ACOT11: variants seen among roughly 807,000 people sequenced by gnomAD.
The protein encoded by ACOT11 is acyl-coenzyme A thioesterase 11.
A neutral mutation model predicts 77.5 loss-of-function variants in ACOT11; 69 were observed. That is an observed-to-expected ratio of 0.89 (90% confidence interval 0.73 to 1.09). The LOEUF is 1.09. Among genes scored for constraint, ACOT11 ranks in the 50% least tolerant of loss-of-function variants. The pLI, the probability that ACOT11 is intolerant of heterozygous loss-of-function variation, is 0.00. For missense variants in ACOT11, 766 were observed against 813.7 expected, an observed-to-expected ratio of 0.94 and a Z score of 0.71; for synonymous variants, 279 against 313.0, an observed-to-expected ratio of 0.89 and a Z score of 1.15.
intron 15 of ACOT11, among the ~76,000 whole-genome samples, chr1:54,625,500 G>A (rs980188492): frequency 1.4e-4 from 21 of 152,190 alleles, no homozygotes; most frequent in Non-Finnish European, 2.9e-4. Flanking sequence ...AGGCATGGAA[G>A]GGTGTGTTAA....
In ACOT11 at chr1:54,551,398, C is replaced by T. The variant is rs299867; in HGVS notation, c.33+3056C>T. Among the ~76,000 whole-genome samples the T allele has an allele frequency of 2.4e-3, 369 of 152,306 alleles. 1 individual carries two copies. Among genetic ancestry groups the T allele is most frequent in the East Asian group, 0.019 (96 of 5,168 alleles). On this transcript the variant is annotated intron_variant, in intron 1 of 15. Coordinates refer to ENST00000343744, the MANE Select transcript of ACOT11 (RefSeq NM_147161.4). Reference sequence around the variant, plus strand: ...GAATGAAGTGGTCAGCCTGCTGCCACGCTCGGGGCTGGGAGAACTGCTGAG... The same window carrying T: ...GAATGAAGTGGTCAGCCTGCTGCCATGCTCGGGGCTGGGAGAACTGCTGAG...
chr1:54,623,950 A>G (rs1419947015), intron 15 of ACOT11, among the ~76,000 whole-genome samples: 1 of 152,238 alleles, frequency 6.6e-6, no homozygotes, highest in Non-Finnish European at 1.5e-5. Flanking sequence ...GATCTGCGTA[A>G]GGGGCAATAA....
At chr1:54,604,771 C>T (rs1265844886) in intron 12 of ACOT11, among the ~76,000 whole-genome samples, 5 of 152,194 alleles carry the variant, frequency 3.3e-5, no homozygotes, top group Non-Finnish European at 4.4e-5. Flanking sequence ...GACCTAAGCT[C>T]TGCCAGCTGC....
At chr1:54,610,886 C>T (rs1247027685), downstream of ACOT11, 5 of 985,356 alleles carry the variant, frequency 5.1e-6, no homozygotes, top group Middle Eastern at 5.2e-4. Flanking sequence ...AACTGCGGCT[C>T]TTCTGGGTTC....
intron 1 of ACOT11, among the ~76,000 whole-genome samples, chr1:54,575,110 A>AGG (rs1654062092): frequency 6.8e-6 from 1 of 147,246 alleles, no homozygotes; most frequent in African/African-American, 2.7e-5. Context: ...ACAAGCAAGC[A>AGG]GGTGTCTTCA....
At chr1:54,550,972 T>A (rs932664916) in intron 1 of ACOT11, among the ~76,000 whole-genome samples, 1 of 151,392 alleles carries the variant, frequency 6.6e-6, no homozygotes, top group Non-Finnish European at 1.5e-5. Flanking sequence ...AAACCCCATC[T>A]CTACCAAAAA....
chr1:54,584,688 C>T lies in ACOT11; in HGVS notation c.67C>T (p.Arg23Trp), dbSNP rs201305708. 79 of 1,614,172 alleles carry T rather than the reference C, an allele frequency of 4.9e-5. No homozygotes were observed. The East Asian group carries it at 1.4e-3, about 29-fold the overall frequency. ...CTCTGTGTTCTCCAACCGCACATCC[C>T]GGAAGTCAGCCTTACGTGCGGGGAA... ...LASVFSNRTS[R>W]KSALRAGNDS... The change falls in exon 2 of 16, where the codon CGG becomes TGG. Residue 23 changes from arginine (R) to tryptophan (W), a missense_variant. Arg to Trp is a moderately radical substitution (Grantham distance 101). Coordinates refer to ENST00000343744, the MANE Select transcript of ACOT11 (RefSeq NM_147161.4). This position sits in a 1 kb window ranked among gnomAD's most constrained non-coding sequence, Gnocchi z 6.3.
intron 1 of ACOT11, among the ~76,000 whole-genome samples, chr1:54,577,211 C>T (rs1216792426): frequency 2.6e-5 from 4 of 152,170 alleles, no homozygotes; most frequent in Admixed American, 1.3e-4. Flanking sequence ...GGCACATTCA[C>T]GGTGTTGTAC....
chr1:54,634,064 A>G (rs925435500), intron 16 of ACOT11, among the ~76,000 whole-genome samples: 1 of 152,174 alleles, frequency 6.6e-6, no homozygotes, highest in East Asian at 1.9e-4. Flanking sequence ...TATGATAGGG[A>G]TTGGGAGAAC....
downstream of ACOT11, chr1:54,610,996 A>G (rs142723642): frequency 5.8e-3 from 5,707 of 985,438 alleles, 26 homozygotes; most frequent in South Asian, 9.6e-3. Context: ...CAGTGGAGCT[A>G]TGCACCAAGG....
intron 15 of ACOT11, among the ~76,000 whole-genome samples, chr1:54,618,301 C>G (rs1191687550): frequency 6.6e-6 from 1 of 152,036 alleles, no homozygotes; most frequent in Admixed American, 6.6e-5. Context: ...TTTAGGAGTT[C>G]GAGACTAGCC....
chr1:54,586,069 A>T (rs1222602084), intron 3 of ACOT11, among the ~76,000 whole-genome samples, 165 bp downstream of exon 3: 1 of 116,612 alleles, frequency 8.6e-6, no homozygotes, highest in Non-Finnish European at 1.6e-5. Context: ...ACCCCTCTGC[A>T]GTGTTTCTGG....
intron 15 of ACOT11, among the ~76,000 whole-genome samples, chr1:54,629,742 G>A (rs1405105314): frequency 1.5e-5 from 2 of 132,672 alleles, no homozygotes; most frequent in African/African-American, 5.1e-5. Context: ...GCACCACCAT[G>A]CCTAGCTAAT....
chr1:54,611,040 C>G (rs1230133902), downstream of ACOT11: 28 of 981,360 alleles, frequency 2.9e-5, no homozygotes, highest in Non-Finnish European at 3.1e-5. Context: ...TGCTGGTTTC[C>G]TACCTGCTGG....
intron 3 of ACOT11, among the ~76,000 whole-genome samples, chr1:54,587,439 G>A (rs565326565): frequency 6.6e-6 from 1 of 151,782 alleles, no homozygotes; most frequent in South Asian, 2.1e-4. Flanking sequence ...CTTGAACCCA[G>A]GAGGCAGAGG....
At chr1:54,560,362 G>A (rs1653424837) in intron 1 of ACOT11, among the ~76,000 whole-genome samples, 1 of 152,152 alleles carries the variant, frequency 6.6e-6, no homozygotes, top group Non-Finnish European at 1.5e-5. Context: ...TGTAAGAGAT[G>A]TGAAGGAGCC....
At chr1:54,570,490 G>T (rs1004706925) in intron 1 of ACOT11, among the ~76,000 whole-genome samples, 1 of 152,206 alleles carries the variant, frequency 6.6e-6, no homozygotes. Flanking sequence ...CACTAGAATG[G>T]TTTTCTGGGT....
chr1:54,622,203 G>A (rs1009238643), intron 15 of ACOT11, among the ~76,000 whole-genome samples: 1 of 151,380 alleles, frequency 6.6e-6, no homozygotes, highest in Non-Finnish European at 1.5e-5. Flanking sequence ...TTGAGCCCAG[G>A]GGGTGGAGGT....
rs183408110 is a variant in ACOT11, at chr1:54,550,741, C to T, written c.33+2399C>T. On this transcript the variant is annotated intron_variant, in intron 1 of 15. Coordinates refer to ENST00000343744, the MANE Select transcript of ACOT11 (RefSeq NM_147161.4). ...GGCTGAGGTGGGAGGATCACTTGAG[C>T]CTGCCTGGGAGGCGGAGGCTGCAGT... Among the ~76,000 whole-genome samples, 187 of 151,846 alleles carry T rather than the reference C, an allele frequency of 1.2e-3. 2 individuals carry two copies. The highest frequency in any genetic ancestry group is 4.3e-3 in the African/African-American group (176 of 41,380).
Sources: gnomAD v4.1 joint callset for allele counts (sites outside exome capture counted in the v4.1 genomes callset) on GRCh38, gnomAD v4.1.1 for gene constraint, Gnocchi (gnomAD v3.1) non-coding constraint, MANE v1.5 for transcripts, NCBI Gene and HGNC (gene_info 2026-07-23, HGNC 2026-07-21) for gene names.